The following ZMYND8 variants were observed in gnomAD, a reference collection of about 807,000 sequenced individuals.
ZMYND8 encodes zinc finger MYND-type containing 8.
ZMYND8 carries 37 observed loss-of-function variants against 140.8 expected under a neutral mutation model. That is an observed-to-expected ratio of 0.26 (90% confidence interval 0.20 to 0.35). ZMYND8 has a LOEUF of 0.35. Among genes scored for constraint, ZMYND8 ranks in the 10% least tolerant of loss-of-function variants. The probability of loss-of-function intolerance (pLI) is 1.00; values close to 1 mark genes in which losing one functional copy is unlikely to be tolerated. For synonymous variants in ZMYND8, 592 were observed against 597.1 expected (o/e 0.99, Z 0.12); for missense variants, 1,068 against 1,570.0 (o/e 0.68, Z 5.40).
rs777755979 is a variant in ZMYND8 at position 47,356,662 on chromosome 20, T to G, written c.9A>C (p.Pro3=). 6.2e-7 allele frequency: 1 copy of G among 1,614,166 alleles called. No individual in the cohort carries two copies. Among genetic ancestry groups the G allele is most frequent in the Admixed American group, 1.7e-5 (1 of 60,030 alleles). Residue 3 remains proline, a synonymous_variant, in exon 1 of 23, where the codon CCA becomes CCC. Coordinates refer to ENST00000471951, the MANE Select transcript of ZMYND8 (RefSeq NM_001281775.3). Reference sequence around the variant, plus strand: ...GGTTAAAAAGTCGAGCTTACCTCTGTGGATGCATTGTTAACACTGTGTAAT... The same window carrying G: ...GGTTAAAAAGTCGAGCTTACCTCTGGGGATGCATTGTTAACACTGTGTAAT... MH[P]QSLAEEEIKT... is the part of the protein sequence containing the mutation.
chr20:47,235,425 C>T (rs900784978), intron 16 of ZMYND8, among the ~76,000 whole-genome samples: 1 of 152,094 alleles, frequency 6.6e-6, no homozygotes, highest in Admixed American at 6.5e-5. Context: ...ACTTGGCAGG[C>T]CGGGCCTGGT....
At chr20:47,237,371 T>C (rs41453248) in intron 15 of ZMYND8, 33,000 of 151,094 alleles carry the variant, frequency 0.22, 7,353 homozygotes, top group African/African-American at 0.56. Context: ...TTGACTGGGC[T>C]GGTCTTGAAC....
chr20:47,284,018 G>A (rs148815977), intron 8 of ZMYND8, among the ~76,000 whole-genome samples: 68 of 152,124 alleles, frequency 4.5e-4, no homozygotes, highest in East Asian at 4.2e-3. Context: ...CGCTTCCTGC[G>A]TTCAAGCAAT....
Position 47,221,482 on chromosome 20 carries a change from C to T in ZMYND8, c.3257-8G>A. 1 of 1,613,262 alleles carries T rather than the reference C, an allele frequency of 6.2e-7. No homozygotes were observed. The highest frequency in any genetic ancestry group is 1.3e-5 in the African/African-American group (1 of 75,012). On this transcript the variant is annotated splice_region_variant and splice_polypyrimidine_tract_variant and intron_variant, in intron 19 of 22. Coordinates refer to ENST00000471951, the MANE Select transcript of ZMYND8 (RefSeq NM_001281775.3). ...CCTGCTGAGGAGCAGTAGCTGGGGA[C>T]AAAGGAGAGAGAGAGACGCCACATA... is the stretch of plus-strand genomic sequence containing the variant.
chr20:47,249,762 G>C (rs1291250852), intron 12 of ZMYND8, among the ~76,000 whole-genome samples: 3 of 152,178 alleles, frequency 2.0e-5, no homozygotes, highest in Non-Finnish European at 4.4e-5. Context: ...CAAAGACAAA[G>C]GTTATGGGCA....
At chr20:47,293,693 T>C (rs1056855674) in intron 5 of ZMYND8, among the ~76,000 whole-genome samples, 23 of 152,218 alleles carry the variant, frequency 1.5e-4, no homozygotes, top group African/African-American at 4.1e-4. Context: ...CTGGGTGTTA[T>C]AGGAGGTTTC....
At chr20:47,326,100 G>C (rs1376256686) in intron 2 of ZMYND8, among the ~76,000 whole-genome samples, 1 of 152,188 alleles carries the variant, frequency 6.6e-6, no homozygotes, top group Non-Finnish European at 1.5e-5. Flanking sequence ...TGGGATTACA[G>C]GTGCCCGCTA....
chr20:47,216,271 A>C (rs2036083433), intron 21 of ZMYND8, among the ~76,000 whole-genome samples: 1 of 152,146 alleles, frequency 6.6e-6, no homozygotes, highest in African/African-American at 2.4e-5. Context: ...AGGTGGGTGA[A>C]TCACTTGAGG....
Position 47,246,311 on chromosome 20 carries a change from G to C in ZMYND8, c.1981C>G (p.Pro661Ala), listed in dbSNP as rs766326497. Residue 661 changes from proline (P) to alanine (A), a missense_variant, in exon 14 of 23, where the codon CCA becomes GCA. Physicochemically the swap from Pro to Ala is conservative, Grantham distance 27. Around this residue, in one of 10 missense-constraint regions of ZMYND8, gnomAD observed 383 missense variants for 431.2 expected, o/e 0.89. Coordinates refer to ENST00000471951, the MANE Select transcript of ZMYND8 (RefSeq NM_001281775.3). ...AVKKKPKPTNPVEIKEELKST... is the reference protein window; with the variant it reads ...AVKKKPKPTNAVEIKEELKST... ...TTCAGCTCCTCTTTAATCTCCACTG[G>C]GTTTGTAGGCTTGGGCTTTTTTTTA... is the stretch of plus-strand genomic sequence containing the variant. The C allele has an allele frequency of 1.2e-6, 2 of 1,613,876 alleles. No homozygotes were observed. Among genetic ancestry groups the C allele is most frequent in the Admixed American group, 1.7e-5 (1 of 59,992 alleles).
intron 3 of ZMYND8, among the ~76,000 whole-genome samples, chr20:47,300,090 T>C (rs531215680): frequency 6.6e-6 from 1 of 152,298 alleles, no homozygotes; most frequent in African/African-American, 2.4e-5. Context: ...TGGAATATTA[T>C]GGTATATTAT....
intron 8 of ZMYND8, among the ~76,000 whole-genome samples, chr20:47,285,274 T>C (rs2076850067): frequency 6.6e-6 from 1 of 152,324 alleles, no homozygotes; most frequent in Middle Eastern, 3.4e-3. Context: ...ACTCTTATCA[T>C]GCAAGGTGCC....
chr20:47,352,831 G>C (rs1459941640), intron 1 of ZMYND8: 1 of 152,348 alleles, frequency 6.6e-6, no homozygotes, highest in African/African-American at 2.4e-5. Context: ...TGTCTGCAAG[G>C]AGAGTGGGAA....
At chr20:47,319,124 C>T (rs776573435) in intron 2 of ZMYND8, 3 of 1,063,400 alleles carry the variant, frequency 2.8e-6, no homozygotes, top group African/African-American at 3.3e-5. Context: ...AGGCCAGCCC[C>T]GGTCTTGTAC....
chr20:47,310,228 G>A, intron 2 of ZMYND8, 24 bp from the exon 3 acceptor site: 2 of 1,575,870 alleles, frequency 1.3e-6, no homozygotes, highest in Non-Finnish European at 1.7e-6. Context: ...AGGACCACAG[G>A]TTTTAAAGCA....
intron 21 of ZMYND8, among the ~76,000 whole-genome samples, chr20:47,216,495 CA>C (rs10536216): frequency 2.1e-3 from 127 of 59,436 alleles, no homozygotes; most frequent in East Asian, 6.1e-3. Context: ...GACTCTGTCT[CA>C]AAAAAAAAAA....
At position 47,283,755 on chromosome 20, in the gene ZMYND8, A is replaced by G. The variant is rs1341586608; in HGVS notation, c.805-107T>C. On this transcript the variant is annotated intron_variant, in intron 8 of 22. Transcript: ENST00000471951. Reference sequence around the variant, plus strand: ...AGGTTAAGATGTTTTAAAGTCCCATAGAGGGAACACCTTGGAGATGAATCC... The same window carrying G: ...AGGTTAAGATGTTTTAAAGTCCCATGGAGGGAACACCTTGGAGATGAATCC... 3 of 1,104,716 alleles carry G rather than the reference A, an allele frequency of 2.7e-6. No homozygotes were observed. In the African/African-American group the frequency reaches 4.7e-5, roughly 17 times the overall value. The allele number at this position is 1,104,716 out of a possible 1,614,324, so 68.4% of individuals were successfully genotyped here.
At chr20:47,297,239 G>A (rs900886229) in intron 4 of ZMYND8, among the ~76,000 whole-genome samples, 2 of 152,028 alleles carry the variant, frequency 1.3e-5, no homozygotes, top group East Asian at 3.9e-4. Flanking sequence ...CAATATCATC[G>A]TCATCATATT....
chr20:47,310,764 G>GGACA (rs968898283), intron 2 of ZMYND8, among the ~76,000 whole-genome samples: 5 of 146,578 alleles, frequency 3.4e-5, no homozygotes, highest in African/African-American at 1.3e-4. Flanking sequence ...CCAGCCTGGG[G>GGACA]GACAGGGCAA....
At chr20:47,242,400 C>A (rs1208558386) in intron 14 of ZMYND8, among the ~76,000 whole-genome samples, 1 of 152,184 alleles carries the variant, frequency 6.6e-6, no homozygotes, top group Non-Finnish European at 1.5e-5. Flanking sequence ...TCCAGGGCCA[C>A]CTGCCAGATA....
Sources: gnomAD v4.1 joint callset for allele counts (sites outside exome capture counted in the v4.1 genomes callset) on GRCh38, gnomAD v4.1.1 for gene constraint, gnomAD v4.1.1 regional missense constraint, MANE v1.5 for transcripts, NCBI Gene and HGNC (gene_info 2026-07-23, HGNC 2026-07-21) for gene names.